The following TDRD1 variants were observed in gnomAD, a reference collection of about 807,000 sequenced individuals.
TDRD1 encodes tudor domain containing 1, also known as tudor domain-containing protein 1.
In TDRD1, 37 loss-of-function variants were observed where a neutral mutation model predicts 140.6. The observed-to-expected ratio is 0.26, with a 90% confidence interval of 0.20 to 0.35. The LOEUF (loss-of-function observed/expected upper bound fraction) is 0.35, where lower values mean the gene tolerates loss of function less well. Among genes scored for constraint, TDRD1 ranks in the 10% least tolerant of loss-of-function variants. The probability of loss-of-function intolerance (pLI) is 1.00; values close to 1 mark genes in which losing one functional copy is unlikely to be tolerated. For synonymous variants in TDRD1, 506 were observed against 475.7 expected, an observed-to-expected ratio of 1.06 and a Z score of -0.83; for missense variants, 1,243 against 1,393.0, an observed-to-expected ratio of 0.89 and a Z score of 1.71.
intron 5 of TDRD1, 77 bp from the exon 6 acceptor site, chr10:114,202,161 T>C: frequency 1.8e-6 from 2 of 1,130,764 alleles, no homozygotes; most frequent in Non-Finnish European, 2.6e-6. Flanking sequence ...TCATTGAGAA[T>C]ACCATAATTG....
intron 13 of TDRD1, among the ~76,000 whole-genome samples, chr10:114,211,342 G>T (rs2035469713): frequency 6.6e-6 from 1 of 152,222 alleles, no homozygotes; most frequent in South Asian, 2.1e-4. Flanking sequence ...AGAGGGCCTG[G>T]AAGTGTGGAG....
chr10:114,196,048 T>C (rs1046828115), intron 3 of TDRD1, among the ~76,000 whole-genome samples: 1 of 152,242 alleles, frequency 6.6e-6, no homozygotes, highest in Non-Finnish European at 1.5e-5. Context: ...ATATTCTATC[T>C]CAGATTTAGA....
At chr10:114,205,386 C>A (rs1246727649) in intron 10 of TDRD1, among the ~76,000 whole-genome samples, 2 of 152,130 alleles carry the variant, frequency 1.3e-5, no homozygotes, top group Non-Finnish European at 2.9e-5. Context: ...GGGTATCACC[C>A]CTCTGCTTTC....
chr10:114,221,484 A>C lies in TDRD1; in HGVS notation c.2890+8A>C. The C allele has an allele frequency of 6.2e-7, 1 of 1,610,490 alleles. No individual in the cohort carries two copies. The highest frequency in any genetic ancestry group is 8.5e-7 in the Non-Finnish European group (1 of 1,178,802). On this transcript the variant is annotated splice_region_variant and intron_variant, in intron 20 of 25. Coordinates refer to ENST00000251864, the Ensembl canonical transcript of TDRD1. ...TACCAAAAGGGATGCCAGGTAAGAA[A>C]CCAAAATTTGAGACATATTTATGCT...
At chr10:114,232,320 AC>A (rs1167992654), downstream of TDRD1, 3 of 151,160 alleles carry the variant, frequency 2.0e-5, no homozygotes, top group South Asian at 2.1e-4. Flanking sequence ...AAAAAAAAAA[AC>A]GAAGAGTGTA....
intron 3 of TDRD1, among the ~76,000 whole-genome samples, chr10:114,194,166 CTG>C (rs2034179680): frequency 2.0e-5 from 3 of 152,068 alleles, no homozygotes; most frequent in African/African-American, 2.4e-5. Flanking sequence ...TTCTTTTATA[CTG>C]TCTTTGTGTG....
At chr10:114,231,116 T>C (rs2036729846) in intron 25 of TDRD1, among the ~76,000 whole-genome samples, 2 of 152,138 alleles carry the variant, frequency 1.3e-5, no homozygotes, top group South Asian at 4.1e-4. Context: ...TCTGGAGAAA[T>C]TTAATTGTTA....
At chr10:114,195,008 C>T (rs2034248449) in intron 3 of TDRD1, among the ~76,000 whole-genome samples, 2 of 151,848 alleles carry the variant, frequency 1.3e-5, no homozygotes, top group Non-Finnish European at 2.9e-5. Context: ...GGTCCTCCCA[C>T]CTTGGCTTCC....
rs7923083 is a variant in TDRD1 at position 114,206,620 on chromosome 10, T to G, written c.1384+290T>G. ...TTTAGAGTTAGGGTTTGTTTTTTTT[T>G]TTTTTTTTTTGAGATGGAGTTTCAC... On this transcript the variant is annotated intron_variant, in intron 11 of 25. Coordinates refer to ENST00000251864, the Ensembl canonical transcript of TDRD1. Among the ~76,000 whole-genome samples the G allele has an allele frequency of 6.7e-3, 1,009 of 150,344 alleles. 14 individuals are homozygous for G. The highest frequency in any genetic ancestry group is 0.023 in the African/African-American group (936 of 40,828).
At chr10:114,203,158 G>T (rs2034874167) in exon 7 of TDRD1, 9 of 1,611,160 alleles carry the variant, frequency 5.6e-6, no homozygotes, top group Non-Finnish European at 7.6e-6. Flanking sequence ...TACAACTCAA[G>T]AAAACCATGG....
chr10:114,217,096 C>T (rs1275851839), intron 16 of TDRD1, among the ~76,000 whole-genome samples: 1 of 152,200 alleles, frequency 6.6e-6, no homozygotes, highest in Admixed American at 6.5e-5. Context: ...GAAATACCCT[C>T]TCCTTCAAAT....
chr10:114,179,669 A>C (rs972678568), intron 1 of TDRD1: 5 of 152,228 alleles, frequency 3.3e-5, no homozygotes. Context: ...CCTTCTCTCT[A>C]AGAGAAACTT....
intron 19 of TDRD1, among the ~76,000 whole-genome samples, 170 bp downstream of exon 19, chr10:114,221,013 C>T (rs921098310): frequency 6.6e-6 from 1 of 152,022 alleles, no homozygotes; most frequent in Non-Finnish European, 1.5e-5. Context: ...ACATTCATTT[C>T]AATGTAATTG....
chr10:114,187,720 G>T, intron 1 of TDRD1, 106 bp from the exon 2 acceptor site: 1 of 1,031,114 alleles, frequency 9.7e-7, no homozygotes, highest in Non-Finnish European at 1.4e-6. Context: ...TTGTTTTATA[G>T]GCATTATCTG....
chr10:114,227,203 T>TAG lies in TDRD1; in HGVS notation c.3307_3308insAG (p.Cys1103Ter). 1 of 1,614,080 alleles carries TAG rather than the reference T, an allele frequency of 6.2e-7. No individual in the cohort carries two copies. The change falls in exon 23 of 26, where the codon TGT becomes TAGGT. Residue 1103 changes from cysteine to a stop codon, truncating the protein, a stop_gained and frameshift_variant. Transcript: ENST00000251864. LOFTEE classifies it high-confidence loss of function. ...TGTCCATACAGTGTCAGTTGAGAAATGTTCTGAGAATGGGACTGTCGATGT... is the reference window on the plus strand; with the variant it reads ...TGTCCATACAGTGTCAGTTGAGAAATAGGTTCTGAGAATGGGACTGTCGATGT...
At position 114,213,593 on chromosome 10, in the gene TDRD1, G is replaced by A; in HGVS notation, c.2074+5G>A. ...GTGACGTGAAAGAAACCAGTGGTAAGTCAAATGTTTACTGGATAATGCCTG... is the reference window on the plus strand; with the variant it reads ...GTGACGTGAAAGAAACCAGTGGTAAATCAAATGTTTACTGGATAATGCCTG... On this transcript the variant is annotated splice_donor_5th_base_variant and intron_variant, in intron 15 of 25. Coordinates refer to ENST00000251864, the Ensembl canonical transcript of TDRD1. 2 of 1,612,838 alleles carry A rather than the reference G, an allele frequency of 1.2e-6. No homozygotes were observed. The highest frequency in any genetic ancestry group is 1.7e-6 in the Non-Finnish European group (2 of 1,179,092).
chr10:114,229,632 T>C (rs1317759788), intron 25 of TDRD1, among the ~76,000 whole-genome samples: 4 of 145,194 alleles, frequency 2.8e-5, no homozygotes, highest in African/African-American at 1.0e-4. Flanking sequence ...CACTGCAAGC[T>C]CCACCTCCCA....
intron 11 of TDRD1, among the ~76,000 whole-genome samples, chr10:114,207,440 A>T (rs2035197652): frequency 6.6e-6 from 1 of 152,124 alleles, no homozygotes; most frequent in Non-Finnish European, 1.5e-5. Context: ...CTCATCATTC[A>T]TGGACAATTG....
At chr10:114,231,560 C>T in exon 26 of TDRD1, 1 of 1,486,234 alleles carries the variant, frequency 6.7e-7, no homozygotes, top group Non-Finnish European at 9.1e-7. Flanking sequence ...GAAAGTACAG[C>T]ACCTGGTGTT....
Sources: allele counts gnomAD v4.1 joint callset (sites outside exome capture counted in the v4.1 genomes callset), GRCh38; gene constraint gnomAD v4.1.1; transcripts MANE v1.5; gene names NCBI Gene and HGNC (gene_info 2026-07-23, HGNC 2026-07-21).